The following EPHB2 variants were observed in gnomAD, a reference collection of about 807,000 sequenced individuals.
EPHB2 encodes the protein EPH receptor B2, also known as ephrin type-B receptor 2.
EPHB2 carries 18 observed loss-of-function variants against 96.4 expected under a neutral mutation model. The observed-to-expected ratio is 0.19, with a 90% CI of 0.13 to 0.28. EPHB2 has a LOEUF of 0.28. Ranked by LOEUF, EPHB2 falls within the 10% of genes least tolerant of loss-of-function variation. The pLI is 1.00. For missense variants in EPHB2, 989 were observed against 1,355.4 expected, an observed-to-expected ratio of 0.73 and a Z score of 4.25; for synonymous variants, 506 against 534.1, an observed-to-expected ratio of 0.95 and a Z score of 0.72.
At chr1:22,796,795 G>A (rs1192912862) in intron 3 of EPHB2, among the ~76,000 whole-genome samples, 1 of 152,206 alleles carries the variant, frequency 6.6e-6, no homozygotes, top group Non-Finnish European at 1.5e-5. Flanking sequence ...TCTGTGCCAG[G>A]CTGCTGCCTT....
rs368869482 is a variant in EPHB2, at chr1:22,790,039, A to C, written c.811+4963A>C. Among the ~76,000 whole-genome samples the C allele has an allele frequency of 3.9e-5, 6 of 152,096 alleles. No individual in the cohort carries two copies. In the East Asian group the frequency reaches 7.7e-4, roughly 20 times the overall value. On this transcript the variant is annotated intron_variant, in intron 3 of 15. Coordinates refer to ENST00000374630, the MANE Select transcript of EPHB2 (RefSeq NM_017449.5). The surrounding 1 kb of genome is among the most constrained non-coding windows in gnomAD (Gnocchi z 4.0). ...AGATCCATCCAGGCAAAGTGCTTTG[A>C]GAATATGAGGAAAAAGCCATCTTGT...
intron 4 of EPHB2, among the ~76,000 whole-genome samples, chr1:22,863,674 G>A (rs559428018): frequency 1.3e-5 from 2 of 152,180 alleles, no homozygotes; most frequent in Non-Finnish European, 2.9e-5. Context: ...GAAACTGTAC[G>A]GATTTATTCT....
rs1159187286 is a variant in EPHB2 at position 22,846,269 on chromosome 1, A to T, written c.812-16768A>T. Among the ~76,000 whole-genome samples, 1 of 152,026 alleles carries T rather than the reference A, an allele frequency of 6.6e-6. No homozygotes were observed. Among genetic ancestry groups the T allele is most frequent in the Non-Finnish European group, 1.5e-5 (1 of 67,990 alleles). On this transcript the variant is annotated intron_variant, in intron 3 of 15. Coordinates refer to ENST00000374630, the MANE Select transcript of EPHB2 (RefSeq NM_017449.5). This position sits in a 1 kb window ranked among gnomAD's most constrained non-coding sequence, Gnocchi z 4.3. Reference sequence around the variant, plus strand: ...GCCATCTCGACTAAAAATATAAAATAGTCGGGCATAGTGACGTGCGCCTGT... The same window carrying T: ...GCCATCTCGACTAAAAATATAAAATTGTCGGGCATAGTGACGTGCGCCTGT...
At chr1:22,804,530 G>A (rs1195021905) in intron 3 of EPHB2, among the ~76,000 whole-genome samples, 1 of 152,082 alleles carries the variant, frequency 6.6e-6, no homozygotes, top group Non-Finnish European at 1.5e-5. Context: ...ACTTGGAAGT[G>A]CATTCTCACA....
In EPHB2 at chr1:22,858,141, G is replaced by GC. The variant is rs1404581016; in HGVS notation, c.812-4894dup. ...GCCAGCGACGGGAAGAGCAGGGAAA[G>GC]CCTTCCGGGCAGAGGGAACAGCTTG... On this transcript the variant is annotated intron_variant, in intron 3 of 15. Transcript: ENST00000374630. This position sits in a 1 kb window ranked among gnomAD's most constrained non-coding sequence, Gnocchi z 7.7. 6.6e-6 allele frequency among the ~76,000 whole-genome samples: 1 copy of GC among 152,160 alleles called. No homozygotes were observed. The highest frequency in any genetic ancestry group is 2.4e-5 in the African/African-American group (1 of 41,426).
intron 6 of EPHB2, among the ~76,000 whole-genome samples, chr1:22,884,763 C>G (rs945416569): frequency 6.6e-6 from 1 of 152,148 alleles, no homozygotes; most frequent in Admixed American, 6.5e-5. Flanking sequence ...TTCCAGATCT[C>G]AGCCTAACAT....
chr1:22,907,885 TGAG>T, intron 11 of EPHB2, 65 bp from the exon 12 acceptor site: 1 of 1,577,940 alleles, frequency 6.3e-7, no homozygotes, highest in Non-Finnish European at 8.7e-7. Context: ...TTTCCCATTA[TGAG>T]GATGATGCAG....
intron 1 of EPHB2, among the ~76,000 whole-genome samples, chr1:22,750,665 A>T (rs1321788602): frequency 6.6e-6 from 1 of 152,240 alleles, no homozygotes; most frequent in Non-Finnish European, 1.5e-5. Flanking sequence ...CCTGCTAGGG[A>T]GCTGGAATGC....
At chr1:22,821,015 G>C (rs1266332282) in intron 3 of EPHB2, among the ~76,000 whole-genome samples, 1 of 152,188 alleles carries the variant, frequency 6.6e-6, no homozygotes, top group Non-Finnish European at 1.5e-5. Context: ...CTTCCCTCAA[G>C]TAAATGAAAT....
chr1:22,915,584 G>A lies in EPHB2; in HGVS notation c.*2014G>A, dbSNP rs1295270936. The A allele has an allele frequency of 6.6e-6, 1 of 152,216 alleles. No homozygotes were observed. Among genetic ancestry groups the A allele is most frequent in the East Asian group, 1.9e-4 (1 of 5,184 alleles). The allele number at this position is 152,216 out of a possible 1,614,324, so 9.4% of individuals were successfully genotyped here. On this transcript the variant is annotated 3_prime_UTR_variant, in exon 16 of 16. Transcript: ENST00000374630. ...TTCGATGCCCTGGGAATCAGGGTGA[G>A]CCCCTGCAGGTACATAAGTAGCAGA...
At chr1:22,740,402 G>T (rs1255100668) in intron 1 of EPHB2, among the ~76,000 whole-genome samples, 1 of 152,122 alleles carries the variant, frequency 6.6e-6, no homozygotes, top group African/African-American at 2.4e-5. Context: ...CCCATGAAAT[G>T]CCAGTGGTAC....
chr1:22,911,878 C>G (rs1202401119), intron 14 of EPHB2, among the ~76,000 whole-genome samples: 5 of 152,178 alleles, frequency 3.3e-5, no homozygotes, highest in Non-Finnish European at 5.9e-5. Flanking sequence ...GATCAAATCC[C>G]TCTGAGCTTT....
intron 5 of EPHB2, among the ~76,000 whole-genome samples, chr1:22,870,967 C>A (rs1056027641): frequency 1.2e-4 from 19 of 152,206 alleles, no homozygotes; most frequent in Non-Finnish European, 7.3e-5. Context: ...TCCCAGGTTG[C>A]TGGCACAGGT....
chr1:22,751,862 C>T (rs1644068705), intron 1 of EPHB2, among the ~76,000 whole-genome samples: 1 of 152,206 alleles, frequency 6.6e-6, no homozygotes, highest in South Asian at 2.1e-4. Context: ...CATGAGGGTC[C>T]TGGGAAGCGG....
intron 1 of EPHB2, among the ~76,000 whole-genome samples, chr1:22,727,495 T>A (rs965371950): frequency 1.3e-5 from 2 of 152,164 alleles, no homozygotes; most frequent in Non-Finnish European, 2.9e-5. Flanking sequence ...GGGCCTCAGC[T>A]CTTCCATCGA....
Position 22,906,654 on chromosome 1 carries a change from G to T in EPHB2, c.1889-56G>T, listed in dbSNP as rs1557749562. 1.2e-6 allele frequency: 2 copies of T among 1,612,166 alleles called. No individual in the cohort carries two copies. Among genetic ancestry groups the T allele is most frequent in the South Asian group, 2.2e-5 (2 of 90,780 alleles). ...GAGTGGACATGACAGGGAACAGGAA[G>T]GTGGCCCTTCCACCTGGCAAGTGAC... On this transcript the variant is annotated intron_variant, in intron 10 of 15. Transcript: ENST00000374630. The surrounding 1 kb of genome is among the most constrained non-coding windows in gnomAD (Gnocchi z 4.8).
intron 5 of EPHB2, among the ~76,000 whole-genome samples, chr1:22,873,666 G>A (rs4147362): frequency 0.91 from 137,118 of 149,992 alleles, 63,720 homozygotes; most frequent in Non-Finnish European, 0.99. Context: ...CAGCAACTCC[G>A]TGGAGCCATC....
chr1:22,763,183 C>T (rs1052972155), intron 1 of EPHB2, among the ~76,000 whole-genome samples: 2 of 152,216 alleles, frequency 1.3e-5, no homozygotes, highest in Non-Finnish European at 2.9e-5. Context: ...ACCTGGGCTA[C>T]ATCCTGCGGG....
intron 1 of EPHB2, among the ~76,000 whole-genome samples, chr1:22,713,748 C>A (rs1003998957): frequency 6.6e-5 from 10 of 152,212 alleles, no homozygotes; most frequent in African/African-American, 2.4e-4. Context: ...TCCTTGTCTC[C>A]TCAGCCCGTA....
Sources: gnomAD v4.1 joint callset for allele counts (sites outside exome capture counted in the v4.1 genomes callset) on GRCh38, gnomAD v4.1.1 for gene constraint, Gnocchi (gnomAD v3.1) non-coding constraint, MANE v1.5 for transcripts, NCBI Gene and HGNC (gene_info 2026-07-23, HGNC 2026-07-21) for gene names.